Variants in IDO1 observed in about 807,000 individuals in gnomAD.
The protein encoded by IDO1 is indoleamine 2,3-dioxygenase 1.
Under a neutral mutation model 38.8 loss-of-function variants are expected in IDO1, and 35 were observed. The ratio of observed to expected loss-of-function variants is 0.90; its 90% CI spans 0.69 to 1.20. IDO1 has a LOEUF of 1.20. IDO1 is among the 50% of genes most tolerant of loss of function. The pLI, the probability that IDO1 is intolerant of heterozygous loss-of-function variation, is 0.00. For missense variants in IDO1, 509 were observed against 485.1 expected (o/e 1.05, Z -0.46); for synonymous variants, 171 against 170.0 (o/e 1.01, Z -0.05).
chr8:39,914,040 G>A, intron 1 of IDO1, 31 bp downstream of exon 1: 1 of 1,462,362 alleles, frequency 6.8e-7, no homozygotes, highest in East Asian at 2.5e-5. Flanking sequence ...GTGGGAAAAT[G>A]CATTCTTCTT....
At chr8:39,919,108 T>G in intron 4 of IDO1, 175 bp downstream of exon 4, 1 of 738,338 alleles carries the variant, frequency 1.4e-6, no homozygotes, top group Non-Finnish European at 2.5e-6. Context: ...CCACTACAAA[T>G]GTACACATAT....
chr8:39,923,233 G>A (rs966079828), intron 6 of IDO1, among the ~76,000 whole-genome samples: 2 of 151,894 alleles, frequency 1.3e-5, no homozygotes, highest in Non-Finnish European at 1.5e-5. Flanking sequence ...GCGAAACCCC[G>A]TCTCTACTAA....
At chr8:39,926,394 G>T (rs1807359871) in intron 9 of IDO1, among the ~76,000 whole-genome samples, 1 of 152,084 alleles carries the variant, frequency 6.6e-6, no homozygotes, top group Admixed American at 6.6e-5. Flanking sequence ...TGTTAGTGGG[G>T]AGATAAAGAC....
At chr8:39,917,768 A>G in intron 1 of IDO1, 107 bp from the exon 2 acceptor site, 1 of 709,070 alleles carries the variant, frequency 1.4e-6, no homozygotes. Context: ...GCCATATGCC[A>G]GGGCAACATT....
At chr8:39,925,454 C>A in intron 9 of IDO1, 83 bp downstream of exon 9, 1 of 1,302,702 alleles carries the variant, frequency 7.7e-7, no homozygotes, top group African/African-American at 1.5e-5. Flanking sequence ...TTCCCATCAG[C>A]ATCTTATCTG....
Position 39,927,918 on chromosome 8 carries a change from A to G in IDO1, c.945A>G (p.Ser315=), listed in dbSNP as rs1807392115. ...NFLCSLESNP[S]VREFVLSKGD... Reference sequence around the variant, plus strand: ...TGTGCTCATTAGAGTCAAATCCCTCAGTCCGTGAGTTTGTCCTTTCAAAAG... The same window carrying G: ...TGTGCTCATTAGAGTCAAATCCCTCGGTCCGTGAGTTTGTCCTTTCAAAAG... Residue 315 remains serine, a synonymous_variant, in exon 10 of 10, where the codon TCA becomes TCG. Coordinates refer to ENST00000518237, the MANE Select transcript of IDO1 (RefSeq NM_002164.6). 2 of 1,607,140 alleles carry G rather than the reference A, an allele frequency of 1.2e-6. No individual in the cohort carries two copies. The highest frequency in any genetic ancestry group is 8.5e-7 in the Non-Finnish European group (1 of 1,176,734).
chr8:39,916,102 G>T (rs963599657), intron 1 of IDO1, among the ~76,000 whole-genome samples: 4 of 152,100 alleles, frequency 2.6e-5, no homozygotes, highest in African/African-American at 7.2e-5. Flanking sequence ...GGAGTCGGAG[G>T]TTGCAGTGAG....
chr8:39,922,622 G>C lies in IDO1; in HGVS notation c.508G>C (p.Val170Leu), dbSNP rs758115203. ...SKGFFLVSLL[V>L]EIAAASAIKV... is the part of the protein sequence containing the mutation. ...AGGATTCTTCCTGGTCTCTCTATTG[G>C]TGGAAATAGCAGCTGCTTCTGCAAT... is the stretch of plus-strand genomic sequence containing the variant. The change falls in exon 6 of 10, where the codon GTG (valine) becomes CTG (leucine). Residue 170 changes from valine (V) to leucine (L), a missense_variant. By Grantham distance (32) the Val-to-Leu change is conservative. Coordinates refer to ENST00000518237, the MANE Select transcript of IDO1 (RefSeq NM_002164.6). 1.1e-5 allele frequency: 18 copies of C among 1,612,818 alleles called. No homozygotes were observed. In the Admixed American group the frequency reaches 3.0e-4, roughly 27 times the overall value.
At chr8:39,925,131 T>G (rs1807339916) in intron 8 of IDO1, 92 bp from the exon 9 acceptor site, 11 of 1,200,978 alleles carry the variant, frequency 9.2e-6, no homozygotes, top group Non-Finnish European at 1.3e-5. Flanking sequence ...TCTTGTCACC[T>G]TCTGTTCAGC....
intron 5 of IDO1, among the ~76,000 whole-genome samples, chr8:39,921,546 T>G (rs1807271449): frequency 6.6e-6 from 1 of 151,810 alleles, no homozygotes; most frequent in South Asian, 2.1e-4. Flanking sequence ...AACTGGAAGG[T>G]TTTTAAAAAC....
intron 5 of IDO1, chr8:39,920,958 G>A (rs1412949649): frequency 6.6e-6 from 1 of 152,236 alleles, no homozygotes; most frequent in Admixed American, 6.5e-5. Context: ...TAAAGATAAG[G>A]CATAAGAAGT....
At chr8:39,918,051 G>A in intron 2 of IDO1, 37 bp from the exon 3 acceptor site, 1 of 1,613,200 alleles carries the variant, frequency 6.2e-7, no homozygotes, top group Non-Finnish European at 8.5e-7. Context: ...AAACATTACT[G>A]AGATTGATTT....
At position 39,925,256 on chromosome 8, in the gene IDO1, G is replaced by GGTGTAT; in HGVS notation, c.743_748dup (p.Val248_Tyr249dup). The GGTGTAT allele has an allele frequency of 6.2e-7, 1 of 1,611,630 alleles. No individual in the cohort carries two copies. Among genetic ancestry groups the GGTGTAT allele is most frequent in the Non-Finnish European group, 8.5e-7 (1 of 1,178,806 alleles). ...GCAACCCCCAGCTATCAGACGGTCT[G>GGTGTAT]GTGTATGAAGGGTTCTGGGAAGACC... On this transcript the variant is annotated inframe_insertion, in exon 9 of 10. Coordinates refer to ENST00000518237, the MANE Select transcript of IDO1 (RefSeq NM_002164.6).
At chr8:39,916,493 A>G (rs1807177308) in intron 1 of IDO1, among the ~76,000 whole-genome samples, 2 of 152,156 alleles carry the variant, frequency 1.3e-5, no homozygotes, top group South Asian at 4.1e-4. Flanking sequence ...AATAACAATA[A>G]TAACAATTCT....
intron 5 of IDO1, among the ~76,000 whole-genome samples, chr8:39,920,442 C>A (rs943578020): frequency 2.6e-5 from 4 of 152,176 alleles, no homozygotes; most frequent in Non-Finnish European, 5.9e-5. Flanking sequence ...AACTAGTTAC[C>A]GGTGTCAATA....
chr8:39,919,792 T>C (rs1473724848), intron 4 of IDO1, among the ~76,000 whole-genome samples: 1 of 152,140 alleles, frequency 6.6e-6, no homozygotes, highest in African/African-American at 2.4e-5. Flanking sequence ...GTGAGCCATG[T>C]TCGTGCCACT....
rs1220614462 is a variant in IDO1 at position 39,925,315 on chromosome 8, GCAGCGTCTTT to G, written c.804_813del (p.Val269AlafsTer24). 2 of 1,613,154 alleles carry G rather than the reference GCAGCGTCTTT, an allele frequency of 1.2e-6. No individual in the cohort carries two copies. The highest frequency in any genetic ancestry group is 1.7e-6 in the Non-Finnish European group (2 of 1,179,658). ...TTTGCAGGGGGCAGTGCAGGCCAAA[GCAGCGTCTTT>G]CAGTGCTTTGACGTCCTGCTGGGCA... On this transcript the variant is annotated frameshift_variant, in exon 9 of 10. Coordinates refer to ENST00000518237, the MANE Select transcript of IDO1 (RefSeq NM_002164.6). LOFTEE classifies it high-confidence loss of function.
At chr8:39,919,681 TA>T (rs1554541817) in intron 4 of IDO1, among the ~76,000 whole-genome samples, 1 of 151,318 alleles carries the variant, frequency 6.6e-6, no homozygotes, top group Non-Finnish European at 1.5e-5. Flanking sequence ...TTAGTTTTTT[TA>T]AAAAAAAATT....
chr8:39,916,313 C>T (rs1381474037), intron 1 of IDO1, among the ~76,000 whole-genome samples: 1 of 151,856 alleles, frequency 6.6e-6, no homozygotes, highest in Non-Finnish European at 1.5e-5. Context: ...CCTGACTCTA[C>T]TAAAAATGCA....
Sources: allele counts gnomAD v4.1 joint callset (sites outside exome capture counted in the v4.1 genomes callset), GRCh38; gene constraint gnomAD v4.1.1; transcripts MANE v1.5; gene names NCBI Gene and HGNC (gene_info 2026-07-23, HGNC 2026-07-21).